AGFG2: variants seen among roughly 807,000 people sequenced by gnomAD.
AGFG2 encodes the protein ArfGAP with FG repeats 2.
AGFG2 carries 31 observed loss-of-function variants against 48.0 expected under a neutral mutation model. The observed-to-expected ratio is 0.65, with a 90% CI of 0.49 to 0.87. The LOEUF is 0.87. AGFG2 is among the 40% of genes least tolerant of loss of function. AGFG2 has a pLI of 0.00. For synonymous variants in AGFG2, 229 were observed against 260.8 expected, an observed-to-expected ratio of 0.88 and a Z score of 1.18; for missense variants, 599 against 632.6, an observed-to-expected ratio of 0.95 and a Z score of 0.57.
At chr7:100,546,173 G>A (rs373347735) in intron 1 of AGFG2, among the ~76,000 whole-genome samples, 3 of 64,892 alleles carry the variant, frequency 4.6e-5, no homozygotes, top group Admixed American at 1.8e-4. Flanking sequence ...CCCCCCGCCC[G>A]CCACCCCCAC....
rs1271660272 is a variant in AGFG2 at position 100,562,005 on chromosome 7, C to A, written c.878-254C>A. ...CCTGACCTGGGGACGAGCTGCTTTC[C>A]TCTCCGCAGCGCAGCTTTGAGCGCA... On this transcript the variant is annotated intron_variant, in intron 6 of 11. Transcript: ENST00000300176. This position sits in a 1 kb window ranked among gnomAD's most constrained non-coding sequence, Gnocchi z 5.4. Among the ~76,000 whole-genome samples, 1 of 152,142 alleles carries A rather than the reference C, an allele frequency of 6.6e-6. No homozygotes were observed. The highest frequency in any genetic ancestry group is 2.4e-5 in the African/African-American group (1 of 41,434).
Position 100,565,210 on chromosome 7 carries a change from A to C in AGFG2, c.*219A>C. On this transcript the variant is annotated 3_prime_UTR_variant, in exon 12 of 12. Coordinates refer to ENST00000300176, the MANE Select transcript of AGFG2 (RefSeq NM_006076.5). ...CCCCCACCCAGGCAGGAAGCCCAGG[A>C]GGAGTGCGGGCAGGGCCTGACCTGG... 1.6e-6 allele frequency: 1 copy of C among 612,704 alleles called. No homozygotes were observed. 38.0% of individuals were successfully genotyped at this position (612,704 alleles called of 1,614,324 possible). A position where few individuals can be genotyped will look rare whatever the true frequency, so the allele number is the denominator to read the frequency against.
At chr7:100,548,413 A>G (rs377612001) in intron 1 of AGFG2, among the ~76,000 whole-genome samples, 75 of 152,202 alleles carry the variant, frequency 4.9e-4, no homozygotes, top group African/African-American at 1.7e-3. Context: ...CCCAGGTTCA[A>G]GCGATACTTG....
intron 1 of AGFG2, among the ~76,000 whole-genome samples, chr7:100,544,021 C>T (rs1800469295): frequency 6.6e-6 from 1 of 152,148 alleles, no homozygotes; most frequent in South Asian, 2.1e-4. Flanking sequence ...AAAATTGCTG[C>T]TAAAAAGCAT....
At chr7:100,553,241 G>A in intron 3 of AGFG2, 106 bp from the exon 4 acceptor site, 1 of 1,410,384 alleles carries the variant, frequency 7.1e-7, no homozygotes, top group East Asian at 2.3e-5. Flanking sequence ...AATCAGTAGA[G>A]AAAAATGAGC....
rs1562797494 is a variant in AGFG2, at chr7:100,565,074, A to T, written c.*83A>T. 1 of 1,452,144 alleles carries T rather than the reference A, an allele frequency of 6.9e-7. No individual in the cohort carries two copies. The highest frequency in any genetic ancestry group is 1.7e-5 in the Admixed American group (1 of 59,638). 90.0% of individuals were successfully genotyped at this position (1,452,144 alleles called of 1,614,324 possible). A position where few individuals can be genotyped will look rare whatever the true frequency, so the allele number is the denominator to read the frequency against. On this transcript the variant is annotated 3_prime_UTR_variant, in exon 12 of 12. Transcript: ENST00000300176. Reference sequence around the variant, plus strand: ...CTCTGGTGACCACTTGCCTGTGGGCATTTCTATGGGCCTTGGGGATGGTGG... The same window carrying T: ...CTCTGGTGACCACTTGCCTGTGGGCTTTTCTATGGGCCTTGGGGATGGTGG...
intron 1 of AGFG2, among the ~76,000 whole-genome samples, chr7:100,540,711 GT>G (rs1800406715): frequency 6.6e-6 from 1 of 151,640 alleles, no homozygotes; most frequent in Admixed American, 6.6e-5. Flanking sequence ...TTTTTGTTTT[GT>G]TTTTTAAAAA....
intron 3 of AGFG2, 127 bp downstream of exon 3, chr7:100,550,638 A>G: frequency 1.5e-6 from 1 of 651,174 alleles, no homozygotes; most frequent in Non-Finnish European, 2.7e-6. Flanking sequence ...TGTTCCACTC[A>G]CATTCAGTTA....
In AGFG2 at chr7:100,565,385, G is replaced by GCT; in HGVS notation, c.*394_*395insCT. 1 of 220,812 alleles carries GCT rather than the reference G, an allele frequency of 4.5e-6. No homozygotes were observed. The highest frequency in any genetic ancestry group is 6.7e-5 in the South Asian group (1 of 14,976). The allele number at this position is 220,812 out of a possible 1,614,324, so 13.7% of individuals were successfully genotyped here. A position where few individuals can be genotyped will look rare whatever the true frequency, so the allele number is the denominator to read the frequency against. The stretch of plus-strand genomic sequence containing the variant: ...GGGAAAGATGAGGCACAGTGTTGAT[G>GCT]GGGCAGTGACCAGACAGTCCTGAGA... On this transcript the variant is annotated 3_prime_UTR_variant, in exon 12 of 12. Transcript: ENST00000300176.
Position 100,564,173 on chromosome 7 carries a change from G to A in AGFG2, c.1301-45G>A, listed in dbSNP as rs200260850. 5.9e-4 allele frequency: 932 copies of A among 1,585,756 alleles called. 2 individuals are homozygous for A. Among genetic ancestry groups the A allele is most frequent in the Non-Finnish European group, 4.7e-4 (546 of 1,162,290 alleles). The stretch of plus-strand genomic sequence containing the variant: ...GGGCCCCCCTTGCTGTCCGCCTGCA[G>A]GAAGGCAGGCTGGTGTCAGCTGAGT... On this transcript the variant is annotated intron_variant, in intron 10 of 11. Coordinates refer to ENST00000300176, the MANE Select transcript of AGFG2 (RefSeq NM_006076.5).
chr7:100,551,347 C>T (rs928229412), intron 3 of AGFG2, among the ~76,000 whole-genome samples: 6 of 151,322 alleles, frequency 4.0e-5, no homozygotes, highest in Admixed American at 2.6e-4. Flanking sequence ...GGATTACAGG[C>T]GTGAGCCACT....
chr7:100,562,656 G>T lies in AGFG2; in HGVS notation c.1061G>T (p.Gly354Val). The change falls in exon 8 of 12, where the codon GGC (glycine) becomes GTC (valine). Residue 354 changes from glycine to valine, a missense_variant. Gly to Val is a moderately radical substitution (Grantham distance 109, BLOSUM62 -3). Transcript: ENST00000300176. The surrounding 1 kb of genome is among the most constrained non-coding windows in gnomAD (Gnocchi z 5.4). ...LQSVTMGGGG[G>V]SSTGLAFGAF... The stretch of plus-strand genomic sequence containing the variant: ...TCTGTCACGATGGGCGGCGGCGGCG[G>T]CAGCAGCACAGGGCTGGCCTTTGGA... 6.2e-7 allele frequency: 1 copy of T among 1,609,452 alleles called. No individual in the cohort carries two copies. The highest frequency in any genetic ancestry group is 8.5e-7 in the Non-Finnish European group (1 of 1,179,660).
At chr7:100,559,302 C>T (rs1461324834) in intron 6 of AGFG2, among the ~76,000 whole-genome samples, 5 of 152,114 alleles carry the variant, frequency 3.3e-5, no homozygotes, top group African/African-American at 7.2e-5. Flanking sequence ...TTGGCAGAAC[C>T]GCTTCCCACT....
intron 1 of AGFG2, among the ~76,000 whole-genome samples, chr7:100,541,605 A>G (rs1800422533): frequency 1.3e-5 from 2 of 152,086 alleles, no homozygotes; most frequent in African/African-American, 4.8e-5. Context: ...CTTACTAAAA[A>G]TACAAAAATT....
intron 1 of AGFG2, among the ~76,000 whole-genome samples, chr7:100,540,642 A>G (rs947338025): frequency 1.2e-4 from 18 of 152,188 alleles, no homozygotes; most frequent in African/African-American, 4.3e-4. Flanking sequence ...CTGTTTTTTA[A>G]TAAGTTTGTC....
chr7:100,557,983 GCAGGTGGATCACCTGAGGT>G (rs1239805702), intron 6 of AGFG2, among the ~76,000 whole-genome samples: 1 of 152,126 alleles, frequency 6.6e-6, no homozygotes, highest in Admixed American at 6.6e-5. Context: ...GGAAGCTGAG[GCAGGTGGATCACCTGAGGT>G]CAGGAGTTCA....
intron 6 of AGFG2, among the ~76,000 whole-genome samples, chr7:100,561,746 G>T (rs1232237732): frequency 6.6e-6 from 1 of 152,268 alleles, no homozygotes; most frequent in Non-Finnish European, 1.5e-5. Flanking sequence ...CACTGGGGCG[G>T]CCTCCCGAGA....
chr7:100,548,168 C>T (rs1800550950), intron 1 of AGFG2, among the ~76,000 whole-genome samples: 1 of 152,116 alleles, frequency 6.6e-6, no homozygotes, highest in Non-Finnish European at 1.5e-5. Context: ...ACAGGCTGAA[C>T]ACTGAAACTA....
Position 100,562,407 on chromosome 7 carries a change from G to C in AGFG2, c.998+28G>C. On this transcript the variant is annotated intron_variant, in intron 7 of 11. Coordinates refer to ENST00000300176, the MANE Select transcript of AGFG2 (RefSeq NM_006076.5). This position sits in a 1 kb window ranked among gnomAD's most constrained non-coding sequence, Gnocchi z 5.4. ...AGGTACAGACAGTGGGCAGTCTGCTGTAGGGCAGGAGAGCCGCCCGAAGCC... is the reference window on the plus strand; with the variant it reads ...AGGTACAGACAGTGGGCAGTCTGCTCTAGGGCAGGAGAGCCGCCCGAAGCC... 4 of 1,611,680 alleles carry C rather than the reference G, an allele frequency of 2.5e-6. No homozygotes were observed. Among genetic ancestry groups the C allele is most frequent in the Non-Finnish European group, 3.4e-6 (4 of 1,178,534 alleles).
Sources: gnomAD v4.1 joint callset for allele counts (sites outside exome capture counted in the v4.1 genomes callset) on GRCh38, gnomAD v4.1.1 for gene constraint, Gnocchi (gnomAD v3.1) non-coding constraint, MANE v1.5 for transcripts, NCBI Gene and HGNC (gene_info 2026-07-23, HGNC 2026-07-21) for gene names.